BDP1: variants seen among roughly 807,000 people sequenced by gnomAD.
BDP1 encodes the protein transcription factor TFIIIB component B'' homolog.
BDP1 carries 169 observed loss-of-function variants against 266.6 expected under a neutral mutation model. That is an observed-to-expected ratio of 0.63 (90% confidence interval 0.56 to 0.72). BDP1 has a LOEUF of 0.72. BDP1 is among the 30% of genes least tolerant of loss of function. The pLI is 0.00. For synonymous variants in BDP1, 1,090 were observed against 1,022.4 expected (o/e 1.07, Z -1.26); for missense variants, 3,015 against 3,053.8 (o/e 0.99, Z 0.30).
At chr5:71,469,910 C>T (rs892268303) in intron 6 of BDP1, among the ~76,000 whole-genome samples, 10 of 147,716 alleles carry the variant, frequency 6.8e-5, no homozygotes, top group South Asian at 2.1e-4. Context: ...GGCACGATCT[C>T]GGCTCACTGC....
intron 32 of BDP1, among the ~76,000 whole-genome samples, chr5:71,547,960 T>A (rs1298077762): frequency 1.3e-5 from 2 of 151,460 alleles, no homozygotes; most frequent in East Asian, 1.9e-4. Flanking sequence ...CTCAAAAAAA[T>A]AAATAAATAA....
At chr5:71,555,597 G>A (rs1249211418) in intron 35 of BDP1, among the ~76,000 whole-genome samples, 1 of 151,838 alleles carries the variant, frequency 6.6e-6, no homozygotes, top group African/African-American at 2.4e-5. Flanking sequence ...CCGCCACCAC[G>A]CCCAGCTAAT....
At chr5:71,574,773 C>T in the BDP1 span, among the ~76,000 whole-genome samples, 1 of 152,184 alleles carries the variant, frequency 6.6e-6, no homozygotes, top group Non-Finnish European at 1.5e-5. Context: ...CTGCAAATTA[C>T]ACCCTTCTCC....
chr5:71,510,776 A>G lies in BDP1; in HGVS notation c.3684A>G (p.Lys1228=), dbSNP rs1580109499. 6.2e-7 allele frequency: 1 copy of G among 1,614,064 alleles called. No homozygotes were observed. Among genetic ancestry groups the G allele is most frequent in the African/African-American group, 1.3e-5 (1 of 75,044 alleles). The change falls in exon 17 of 39, where the codon AAA becomes AAG. Residue 1228 remains lysine, a synonymous_variant. Transcript: ENST00000358731. ...TAGGTAAAATGGAGACAGATTTGAA[A>G]GAAATTAGAGAAGAAATTTCCCAAA... ...KPVGKMETDL[K]EIREEISQRE... is the part of the protein sequence containing the mutation.
At chr5:71,473,559 C>T (rs558024142) in intron 7 of BDP1, among the ~76,000 whole-genome samples, 2 of 152,206 alleles carry the variant, frequency 1.3e-5, no homozygotes, top group African/African-American at 4.8e-5. Flanking sequence ...GGGCGTGAGC[C>T]ACTGCGCCTG....
chr5:71,469,086 A>G (rs2150362059), intron 6 of BDP1, among the ~76,000 whole-genome samples: 1 of 152,268 alleles, frequency 6.6e-6, no homozygotes, highest in Non-Finnish European at 1.5e-5. Flanking sequence ...AAAAGATTCT[A>G]TACTTCCCTT....
In BDP1 at chr5:71,524,030, C is replaced by A; in HGVS notation, c.5479C>A (p.Arg1827Ser). 3 of 1,614,114 alleles carry A rather than the reference C, an allele frequency of 1.9e-6. No homozygotes were observed. The highest frequency in any genetic ancestry group is 8.5e-7 in the Non-Finnish European group (1 of 1,180,028). The change falls in exon 25 of 39, where the codon CGT becomes AGT. Residue 1827 changes from arginine (R) to serine (S), a missense_variant. Coordinates refer to ENST00000358731, the MANE Select transcript of BDP1 (RefSeq NM_018429.3). ...ISSTSEYERNRGERRSHKKFK... is the reference protein window; with the variant it reads ...ISSTSEYERNSGERRSHKKFK... ...TTCTACATCTGAGTATGAGAGAAAT[C>A]GTGGTGAAAGGAGAAGTCATAAAAA...
intron 7 of BDP1, among the ~76,000 whole-genome samples, chr5:71,472,298 TA>T (rs956020979): frequency 6.6e-5 from 10 of 152,114 alleles, no homozygotes; most frequent in Non-Finnish European, 1.2e-4. Flanking sequence ...CCGTCTCTAC[TA>T]AAAATACAAA....
rs764893069 is a variant in BDP1, at chr5:71,510,726, A to G, written c.3634A>G (p.Asn1212Asp). ...TGAAAGAGAAATATCGCCACAGGAAAATGGCCCAGAGGAGGTCAAGCCTGT... is the reference window on the plus strand; with the variant it reads ...TGAAAGAGAAATATCGCCACAGGAAGATGGCCCAGAGGAGGTCAAGCCTGT... ...ETEREISPQE[N>D]GPEEVKPVGK... is the part of the protein sequence containing the mutation. The change falls in exon 17 of 39, where the codon AAT becomes GAT. Residue 1212 changes from asparagine to aspartate, a missense_variant. This residue lies in a region of BDP1 where 2,383 missense variants were observed against 2,404.9 expected (regional missense o/e 0.99). Coordinates refer to ENST00000358731, the MANE Select transcript of BDP1 (RefSeq NM_018429.3). 1.1e-5 allele frequency: 18 copies of G among 1,614,060 alleles called. No individual in the cohort carries two copies. In the Admixed American group the frequency reaches 3.0e-4, roughly 27 times the overall value.
At position 71,526,603 on chromosome 5, in the gene BDP1, G is replaced by A. The variant is rs1275088585; in HGVS notation, c.5772+2280G>A. Among the ~76,000 whole-genome samples the A allele has an allele frequency of 1.4e-4, 16 of 110,842 alleles. No homozygotes were observed. The Admixed American group carries it at 1.5e-3, about 11-fold the overall frequency. 72.7% of individuals were successfully genotyped at this position (110,842 alleles called of 152,430 possible). On this transcript the variant is annotated intron_variant, in intron 25 of 38. Transcript: ENST00000358731. The stretch of plus-strand genomic sequence containing the variant: ...TGCACTCCAGCCTGGGAGACAGAGC[G>A]AGACTCTATCTCAAAAAAAAAAAAA...
intron 4 of BDP1, among the ~76,000 whole-genome samples, chr5:71,465,437 T>A (rs1761845021): frequency 6.6e-6 from 1 of 152,038 alleles, no homozygotes; most frequent in Non-Finnish European, 1.5e-5. Context: ...AATTTTTAAA[T>A]TTTTTTTGTA....
At position 71,563,371 on chromosome 5, in the gene BDP1, T is replaced by C. The variant is rs1443912246; in HGVS notation, c.7743+851T>C. ...CCATGTGGGCCATGCTGTTCTCAAATGCCTGGCCTCAAGCCTTGGCCTCCC... is the reference window on the plus strand; with the variant it reads ...CCATGTGGGCCATGCTGTTCTCAAACGCCTGGCCTCAAGCCTTGGCCTCCC... On this transcript the variant is annotated intron_variant, in intron 38 of 38. Transcript: ENST00000358731. 3.9e-5 allele frequency among the ~76,000 whole-genome samples: 6 copies of C among 152,288 alleles called. No individual in the cohort carries two copies. In the East Asian group the frequency reaches 1.2e-3, roughly 29 times the overall value.
At chr5:71,504,377 A>G (rs1331162739) in intron 15 of BDP1, among the ~76,000 whole-genome samples, 2 of 152,338 alleles carry the variant, frequency 1.3e-5, no homozygotes, top group Admixed American at 6.5e-5. Flanking sequence ...CTAACAGATG[A>G]AACCAAGGCA....
At chr5:71,544,914 T>G in intron 31 of BDP1, 125 bp from the exon 32 acceptor site, 1 of 652,550 alleles carries the variant, frequency 1.5e-6, no homozygotes. Context: ...AAAGTCCTAT[T>G]GCATTAAATA....
rs551513009 is a variant in BDP1, at chr5:71,474,683, A to G, written c.1014+4194A>G. ...GCCAACATGATGAAACCCCGATCCT[A>G]TTAAAATACAAAAATTAGCCAGGTG... is the stretch of plus-strand genomic sequence containing the variant. On this transcript the variant is annotated intron_variant, in intron 7 of 38. Transcript: ENST00000358731. 2.6e-5 allele frequency among the ~76,000 whole-genome samples: 4 copies of G among 151,864 alleles called. No individual in the cohort carries two copies. The South Asian group carries it at 8.4e-4, about 32-fold the overall frequency.
At chr5:71,504,316 C>A (rs1013753171) in intron 15 of BDP1, among the ~76,000 whole-genome samples, 1 of 150,646 alleles carries the variant, frequency 6.6e-6, no homozygotes, top group Non-Finnish European at 1.5e-5. Context: ...ATCTATAATG[C>A]ATTTATAGTA....
At chr5:71,496,165 C>G (rs1554115065) in intron 12 of BDP1, among the ~76,000 whole-genome samples, 1 of 148,598 alleles carries the variant, frequency 6.7e-6, no homozygotes, top group Non-Finnish European at 1.5e-5. Context: ...TGGCGTGAAC[C>G]TGGGAGGTAG....
chr5:71,501,780 T>A (rs1764253603), intron 14 of BDP1, 127 bp downstream of exon 14: 1 of 637,848 alleles, frequency 1.6e-6, no homozygotes. Flanking sequence ...TAAGTTCGTT[T>A]TCAACCATAG....
intron 9 of BDP1, among the ~76,000 whole-genome samples, chr5:71,488,425 C>T (rs1156859854): frequency 2.7e-5 from 4 of 149,316 alleles, no homozygotes; most frequent in Non-Finnish European, 1.5e-5. Flanking sequence ...CCACGCCCAG[C>T]CAGAACTTTT....
Sources: gnomAD v4.1 joint callset for allele counts (sites outside exome capture counted in the v4.1 genomes callset) on GRCh38, gnomAD v4.1.1 for gene constraint, gnomAD v4.1.1 regional missense constraint, MANE v1.5 for transcripts, NCBI Gene and HGNC (gene_info 2026-07-23, HGNC 2026-07-21) for gene names.